ROBO1: variants seen among roughly 807,000 people sequenced by gnomAD.
The protein encoded by ROBO1 is roundabout guidance receptor 1, also known as roundabout homolog 1.
Under a neutral mutation model 195.9 loss-of-function variants are expected in ROBO1, and 149 were observed. The ratio of observed to expected loss-of-function variants is 0.76; its 90% CI spans 0.67 to 0.87. ROBO1 has a LOEUF of 0.87. Among genes scored for constraint, ROBO1 ranks in the 40% least tolerant of loss-of-function variants. The probability of loss-of-function intolerance (pLI) is 0.00; values close to 1 mark genes in which losing one functional copy is unlikely to be tolerated. For synonymous variants in ROBO1, 816 were observed against 733.2 expected, an observed-to-expected ratio of 1.11 and a Z score of -1.82; for missense variants, 1,933 against 2,068.3, an observed-to-expected ratio of 0.93 and a Z score of 1.27.
chr3:79,273,504 C>T (rs932584628), intron 2 of ROBO1, among the ~76,000 whole-genome samples: 11 of 151,928 alleles, frequency 7.2e-5, no homozygotes, highest in African/African-American at 2.7e-4. Context: ...AATCAAAAAT[C>T]CTATGACAGA....
At chr3:78,735,275 C>T (rs2082369028) in intron 5 of ROBO1, among the ~76,000 whole-genome samples, 1 of 152,070 alleles carries the variant, frequency 6.6e-6, no homozygotes, top group Admixed American at 6.6e-5. Context: ...CAACAGTCCT[C>T]AAAATACTTT....
chr3:78,678,464 T>C (rs931304083), intron 10 of ROBO1, among the ~76,000 whole-genome samples: 30 of 152,032 alleles, frequency 2.0e-4, no homozygotes, highest in Admixed American at 5.2e-4. Context: ...AAGAATCAAA[T>C]GGATGCAATA....
At chr3:79,656,352 A>G (rs924593279) in intron 1 of ROBO1, among the ~76,000 whole-genome samples, 1 of 152,074 alleles carries the variant, frequency 6.6e-6, no homozygotes, top group African/African-American at 2.4e-5. Context: ...TTGGAAAGAA[A>G]CTATAAAGAT....
At chr3:78,868,010 T>TA (rs2035288926) in intron 4 of ROBO1, among the ~76,000 whole-genome samples, 2 of 152,270 alleles carry the variant, frequency 1.3e-5, no homozygotes, top group South Asian at 4.1e-4. Flanking sequence ...TCCCTGCTGA[T>TA]AGAGTTGTAG....
intron 3 of ROBO1, among the ~76,000 whole-genome samples, chr3:79,000,545 A>G (rs2077477833): frequency 6.6e-6 from 1 of 152,234 alleles, no homozygotes; most frequent in Admixed American, 6.5e-5. Flanking sequence ...ACTGGTCATT[A>G]GAGAAATGCA....
rs969747847 is a variant in ROBO1 at position 78,598,756 on chromosome 3, T to TAA, written c.*155_*156dup. The TAA allele has an allele frequency of 6.0e-5, 29 of 482,702 alleles. No individual in the cohort carries two copies. The highest frequency in any genetic ancestry group is 1.7e-4 in the Admixed American group (5 of 29,846). 29.9% of individuals were successfully genotyped at this position (482,702 alleles called of 1,614,324 possible). ...TCAAACAACAACAATAAAAACCCAA[T>TAA]AAAGTTTTTAAAATGATATCCCAAT... On this transcript the variant is annotated 3_prime_UTR_variant, in exon 31 of 31. Transcript: ENST00000464233.
intron 3 of ROBO1, among the ~76,000 whole-genome samples, chr3:79,067,701 G>C (rs1053081500): frequency 6.6e-6 from 1 of 152,062 alleles, no homozygotes; most frequent in Admixed American, 6.6e-5. Context: ...GCCTGTATTA[G>C]TTATCTACCT....
chr3:79,118,738 C>T (rs1186023532), intron 3 of ROBO1, among the ~76,000 whole-genome samples: 4 of 151,796 alleles, frequency 2.6e-5, no homozygotes, highest in Non-Finnish European at 5.9e-5. Context: ...CATGGTGGTG[C>T]GTCCCTGTAG....
chr3:78,921,931 C>T (rs1048330458), intron 4 of ROBO1, among the ~76,000 whole-genome samples: 1 of 151,914 alleles, frequency 6.6e-6, no homozygotes, highest in East Asian at 1.9e-4. Flanking sequence ...GAACTACTGG[C>T]GTGCACCACC....
chr3:79,087,145 T>C (rs530532558), intron 3 of ROBO1, among the ~76,000 whole-genome samples: 6 of 152,142 alleles, frequency 3.9e-5, no homozygotes, highest in Admixed American at 1.3e-4. Flanking sequence ...TATTAAAACA[T>C]AGAGGGAATT....
chr3:79,211,428 C>T (rs2081963854), intron 2 of ROBO1, among the ~76,000 whole-genome samples: 1 of 152,046 alleles, frequency 6.6e-6, no homozygotes, highest in Non-Finnish European at 1.5e-5. Context: ...CTAATCAAAA[C>T]TTCTTTTCCT....
At chr3:78,829,235 C>T (rs775635371) in intron 4 of ROBO1, among the ~76,000 whole-genome samples, 12 of 151,930 alleles carry the variant, frequency 7.9e-5, no homozygotes, top group Non-Finnish European at 1.2e-4. Context: ...AGTGAGTCCT[C>T]GATAAATACT....
chr3:79,548,575 TG>T (rs1442893659), intron 2 of ROBO1, among the ~76,000 whole-genome samples: 1 of 152,212 alleles, frequency 6.6e-6, no homozygotes, highest in Non-Finnish European at 1.5e-5. Context: ...AATAATACAT[TG>T]AAATGGGCAC....
At chr3:79,641,570 A>G (rs1014149817) in intron 1 of ROBO1, among the ~76,000 whole-genome samples, 8 of 151,802 alleles carry the variant, frequency 5.3e-5, no homozygotes, top group African/African-American at 1.9e-4. Flanking sequence ...TAAATAAAAA[A>G]AATAAAATAA....
intron 3 of ROBO1, among the ~76,000 whole-genome samples, chr3:79,040,325 C>T (rs1423707371): frequency 3.9e-5 from 6 of 152,118 alleles, no homozygotes; most frequent in African/African-American, 1.4e-4. Context: ...GTTAAATCGT[C>T]ATTGACTTCT....
intron 2 of ROBO1, among the ~76,000 whole-genome samples, chr3:79,287,616 A>G (rs1157939506): frequency 6.6e-6 from 1 of 152,160 alleles, no homozygotes; most frequent in Non-Finnish European, 1.5e-5. Context: ...GATGATGGTG[A>G]CACCACCAAC....
rs2081040428 is a variant in ROBO1 at position 78,685,911 on chromosome 3, G to C, written c.1177C>G (p.Leu393Val). The C allele has an allele frequency of 1.3e-6, 2 of 1,585,474 alleles. No homozygotes were observed. Among genetic ancestry groups the C allele is most frequent in the Non-Finnish European group, 1.7e-6 (2 of 1,163,212 alleles). Residue 393 changes from leucine to valine, a missense_variant, in exon 10 of 31, where the codon CTT becomes GTT. Coordinates refer to ENST00000464233, the MANE Select transcript of ROBO1 (RefSeq NM_002941.4). Reference protein sequence around the residue: ...FWRREGSQNLLFSYQPPQSSS... With the variant: ...FWRREGSQNLVFSYQPPQSSS... ...GACTGTGGTGGTTGATATGAGAAAA[G>C]TAGATTCTAGAACCCAGAAATTGGG...
intron 4 of ROBO1, among the ~76,000 whole-genome samples, chr3:78,841,631 A>T (rs2033209621): frequency 6.6e-6 from 1 of 152,168 alleles, no homozygotes; most frequent in South Asian, 2.1e-4. Context: ...AAAAAAACAG[A>T]AGTAATCAAT....
At chr3:79,512,370 C>G (rs1224185525) in intron 2 of ROBO1, among the ~76,000 whole-genome samples, 1 of 151,892 alleles carries the variant, frequency 6.6e-6, no homozygotes, top group Non-Finnish European at 1.5e-5. Context: ...TGTGATTATG[C>G]CTTACTTCTA....
Sources: allele counts gnomAD v4.1 joint callset (sites outside exome capture counted in the v4.1 genomes callset), GRCh38; gene constraint gnomAD v4.1.1; transcripts MANE v1.5; gene names NCBI Gene and HGNC (gene_info 2026-07-23, HGNC 2026-07-21).